The following MAPK8 variants were observed in gnomAD, a reference collection of about 807,000 sequenced individuals.
MAPK8 encodes the protein JUN N-terminal kinase.
Under a neutral mutation model 52.9 loss-of-function variants are expected in MAPK8, and 13 were observed. The ratio of observed to expected loss-of-function variants is 0.25; its 90% confidence interval spans 0.16 to 0.39. The LOEUF (loss-of-function observed/expected upper bound fraction) is 0.39, where lower values mean the gene tolerates loss of function less well. MAPK8 is among the 10% of genes least tolerant of loss of function. The pLI is 1.00. For missense variants in MAPK8, 300 were observed against 519.2 expected, an observed-to-expected ratio of 0.58 and a Z score of 4.10; for synonymous variants, 191 against 169.8, an observed-to-expected ratio of 1.12 and a Z score of -0.97.
chr10:48,394,060 A>G (rs2041765903), intron 1 of MAPK8, among the ~76,000 whole-genome samples: 1 of 151,946 alleles, frequency 6.6e-6, no homozygotes, highest in South Asian at 2.1e-4. Context: ...TCCTTGAAAA[A>G]CACAAACTAA....
chr10:48,355,660 A>G (rs184472475), intron 1 of MAPK8, among the ~76,000 whole-genome samples: 2 of 152,362 alleles, frequency 1.3e-5, no homozygotes, highest in Non-Finnish European at 2.9e-5. Context: ...TTAAAAATAA[A>G]TATTTATCTG....
rs2044933395 is a variant in MAPK8 at position 48,437,362 on chromosome 10, T to C, written c.*2333T>C. On this transcript the variant is annotated 3_prime_UTR_variant, in exon 12 of 12. Coordinates refer to ENST00000374189, the MANE Select transcript of MAPK8 (RefSeq NM_001323329.2). Reference sequence around the variant, plus strand: ...TTTAAGCATCTTAAACATTTTTTTTTTGAAGAGAAGTTACAAATAACATTT... The same window carrying C: ...TTTAAGCATCTTAAACATTTTTTTTCTGAAGAGAAGTTACAAATAACATTT... 1 of 152,244 alleles carries C rather than the reference T, an allele frequency of 6.6e-6. No homozygotes were observed. Among genetic ancestry groups the C allele is most frequent in the Admixed American group, 6.5e-5 (1 of 15,290 alleles). 9.4% of individuals were successfully genotyped at this position (152,244 alleles called of 1,614,324 possible). A position where few individuals can be genotyped will look rare whatever the true frequency, so the allele number is the denominator to read the frequency against.
intron 1 of MAPK8, among the ~76,000 whole-genome samples, chr10:48,364,490 TTTGAG>T (rs1336170501): frequency 1.2e-4 from 19 of 152,134 alleles, no homozygotes; most frequent in Admixed American, 5.9e-4. Flanking sequence ...GGCTTTCTGT[TTTGAG>T]TTAAGTAAAA....
chr10:48,335,801 CT>C (rs1844629707), intron 1 of MAPK8, among the ~76,000 whole-genome samples: 1 of 152,156 alleles, frequency 6.6e-6, no homozygotes, highest in Admixed American at 6.5e-5. Context: ...GGATATTCCT[CT>C]TTTATATGTG....
chr10:48,358,174 A>T (rs1847162603), intron 1 of MAPK8, among the ~76,000 whole-genome samples: 1 of 152,176 alleles, frequency 6.6e-6, no homozygotes, highest in South Asian at 2.1e-4. Context: ...TTTTGGATAT[A>T]TACCCCTGAC....
At chr10:48,320,061 C>T (rs999914606) in intron 1 of MAPK8, among the ~76,000 whole-genome samples, 4 of 151,772 alleles carry the variant, frequency 2.6e-5, no homozygotes, top group Non-Finnish European at 4.4e-5. Context: ...GGATTACAGG[C>T]GCATGCCACC....
intron 1 of MAPK8, among the ~76,000 whole-genome samples, chr10:48,396,314 G>A (rs940820569): frequency 1.4e-4 from 21 of 152,106 alleles, no homozygotes; most frequent in Admixed American, 5.2e-4. Context: ...TCACCAAAGA[G>A]TATATAGATG....
chr10:48,338,438 T>TA, intron 1 of MAPK8, among the ~76,000 whole-genome samples: 2 of 152,182 alleles, frequency 1.3e-5, no homozygotes, highest in African/African-American at 4.8e-5. Context: ...CTCAAAATAG[T>TA]AAGAGTCATT....
chr10:48,328,651 T>C (rs1843777200), intron 1 of MAPK8, among the ~76,000 whole-genome samples: 1 of 152,238 alleles, frequency 6.6e-6, no homozygotes, highest in Non-Finnish European at 1.5e-5. Context: ...AGATCAGCAC[T>C]TTTGCCTTTT....
chr10:48,384,681 C>T (rs1192047525), intron 1 of MAPK8, among the ~76,000 whole-genome samples: 1 of 152,198 alleles, frequency 6.6e-6, no homozygotes, highest in Non-Finnish European at 1.5e-5. Flanking sequence ...AAATGTACAC[C>T]TTCAACCAAA....
chr10:48,391,228 A>G (rs1010734547), intron 1 of MAPK8, among the ~76,000 whole-genome samples: 2 of 152,326 alleles, frequency 1.3e-5, no homozygotes, highest in African/African-American at 2.4e-5. Flanking sequence ...CAGTATTTCC[A>G]TACTTTTGGT....
At chr10:48,413,603 T>C (rs1054044772) in intron 5 of MAPK8, among the ~76,000 whole-genome samples, 1 of 151,936 alleles carries the variant, frequency 6.6e-6, no homozygotes, top group African/African-American at 2.4e-5. Flanking sequence ...TGATGTTTTA[T>C]GGTGCTTCTG....
chr10:48,369,098 G>A (rs1205985080), intron 1 of MAPK8, among the ~76,000 whole-genome samples: 2 of 152,154 alleles, frequency 1.3e-5, no homozygotes, highest in East Asian at 3.9e-4. Flanking sequence ...GGTATGGTGA[G>A]TTGTGGGCTA....
At position 48,427,076 on chromosome 10, in the gene MAPK8, T is replaced by C. The variant is rs953893921; in HGVS notation, c.997-4T>C. The C allele has an allele frequency of 3.7e-6, 6 of 1,612,494 alleles. No homozygotes were observed. The African/African-American group carries it at 4.0e-5, about 11-fold the overall frequency. On this transcript the variant is annotated splice_region_variant and splice_polypyrimidine_tract_variant and intron_variant, in intron 9 of 11. Transcript: ENST00000374189. ...CTTGGTTATTATTGCCTTGTGTTTTTCAGCCACCACCAAAGATCCCTGACA... is the reference window on the plus strand; with the variant it reads ...CTTGGTTATTATTGCCTTGTGTTTTCCAGCCACCACCAAAGATCCCTGACA...
intron 6 of MAPK8, 67 bp from the exon 7 acceptor site, chr10:48,424,021 A>AT: frequency 7.9e-7 from 1 of 1,267,880 alleles, no homozygotes; most frequent in Non-Finnish European, 1.1e-6. Context: ...ATGCAGTCAT[A>AT]TTATGCTTCT....
intron 1 of MAPK8, among the ~76,000 whole-genome samples, chr10:48,307,547 T>G: frequency 6.6e-6 from 1 of 152,230 alleles, no homozygotes; most frequent in East Asian, 1.9e-4. Flanking sequence ...CTCGCATTTG[T>G]GTTCCCGATT....
intron 5 of MAPK8, among the ~76,000 whole-genome samples, chr10:48,410,846 T>C (rs1589226269): frequency 6.6e-6 from 1 of 152,218 alleles, no homozygotes; most frequent in African/African-American, 2.4e-5. Flanking sequence ...GTGGTGTTTC[T>C]TGTGATTTTA....
chr10:48,342,087 A>C (rs1260743151), intron 1 of MAPK8, among the ~76,000 whole-genome samples: 1 of 152,214 alleles, frequency 6.6e-6, no homozygotes, highest in Non-Finnish European at 1.5e-5. Flanking sequence ...GACTGAGTAC[A>C]AGTTATTCAG....
intron 1 of MAPK8, among the ~76,000 whole-genome samples, chr10:48,331,803 T>C (rs764682373): frequency 2.6e-5 from 4 of 152,206 alleles, no homozygotes; most frequent in Non-Finnish European, 4.4e-5. Flanking sequence ...TGCCCAAATA[T>C]GGGTGCCCCT....
Sources: allele counts gnomAD v4.1 joint callset (sites outside exome capture counted in the v4.1 genomes callset), GRCh38; gene constraint gnomAD v4.1.1; transcripts MANE v1.5; gene names NCBI Gene and HGNC (gene_info 2026-07-23, HGNC 2026-07-21).